Variants in CACNA1S observed in about 807,000 individuals in gnomAD.
CACNA1S encodes the protein voltage-dependent L-type calcium channel subunit alpha-1S.
CACNA1S carries 126 observed loss-of-function variants against 207.4 expected under a neutral mutation model. The ratio of observed to expected loss-of-function variants is 0.61; its 90% CI spans 0.53 to 0.70. The LOEUF (loss-of-function observed/expected upper bound fraction) is 0.70, where lower values mean the gene tolerates loss of function less well. Ranked by LOEUF, CACNA1S falls within the 30% of genes least tolerant of loss-of-function variation. The pLI is 0.00. For missense variants in CACNA1S, 2,349 were observed against 2,422.8 expected, an observed-to-expected ratio of 0.97 and a Z score of 0.64; for synonymous variants, 960 against 932.7, an observed-to-expected ratio of 1.03 and a Z score of -0.53.
At position 201,053,645 on chromosome 1, in the gene CACNA1S, G is replaced by GC; in HGVS notation, c.3667-59dup. 6.5e-7 allele frequency: 1 copy of GC among 1,532,682 alleles called. No individual in the cohort carries two copies. The highest frequency in any genetic ancestry group is 9.0e-7 in the Non-Finnish European group (1 of 1,108,078). 94.9% of individuals were successfully genotyped at this position (1,532,682 alleles called of 1,614,324 possible). A position where few individuals can be genotyped will look rare whatever the true frequency, so the allele number is the denominator to read the frequency against. On this transcript the variant is annotated intron_variant, in intron 29 of 43. Transcript: ENST00000362061. This position sits in a 1 kb window ranked among gnomAD's most constrained non-coding sequence, Gnocchi z 5.1. ...GGGCAGAACCTCAGAGGGGTAAGGG[G>GC]CAGGGCGGGGAGGGAGGTGCACTGT...
intron 19 of CACNA1S, among the ~76,000 whole-genome samples, chr1:201,068,530 A>C (rs1035533029): frequency 6.8e-6 from 1 of 146,970 alleles, no homozygotes; most frequent in East Asian, 2.2e-4. Context: ...GGCGTGAGCC[A>C]CTGCGCCCGG....
At chr1:201,106,339 C>G (rs1221600241) in intron 2 of CACNA1S, among the ~76,000 whole-genome samples, 1 of 152,160 alleles carries the variant, frequency 6.6e-6, no homozygotes, top group Non-Finnish European at 1.5e-5. Context: ...CCCACGTCAC[C>G]CCAATCCATG....
chr1:201,062,500 C>A lies in CACNA1S; in HGVS notation c.2868G>T (p.Arg956Ser). ...GVQLFKGKFFRCTDLSKMTEE... is the reference protein window; with the variant it reads ...GVQLFKGKFFSCTDLSKMTEE... ...CTGTCATCTTGGACAAGTCGGTGCA[C>A]CTGAAGAACTTCCCCTGCAGCCAGG... The change falls in exon 23 of 44, where the codon AGG becomes AGT. Residue 956 changes from arginine to serine, a missense_variant. By Grantham distance (110) the Arg-to-Ser change is moderately radical. Coordinates refer to ENST00000362061, the MANE Select transcript of CACNA1S (RefSeq NM_000069.3). 6.2e-7 allele frequency: 1 copy of A among 1,613,922 alleles called. No homozygotes were observed. The highest frequency in any genetic ancestry group is 1.3e-5 in the African/African-American group (1 of 75,012).
chr1:201,054,521 C>T lies in CACNA1S; in HGVS notation c.3650G>A (p.Gly1217Glu). 6.2e-7 allele frequency: 1 copy of T among 1,613,900 alleles called. No homozygotes were observed. The highest frequency in any genetic ancestry group is 8.5e-7 in the Non-Finnish European group (1 of 1,179,886). ...TGAAATTACAACGTTCCCGCAGCCT[C>T]CACCCAGGCAATACAGTCCCCCGCT... Reference protein sequence around the residue: ...ASSGGLYCLGGGCGNVDPDES... With the variant: ...ASSGGLYCLGEGCGNVDPDES... Residue 1217 changes from glycine (G) to glutamate (E), a missense_variant, in exon 29 of 44, where the codon GGA becomes GAA. By Grantham distance (98) the Gly-to-Glu change is moderately conservative. Transcript: ENST00000362061.
chr1:201,041,584 T>A lies in CACNA1S; in HGVS notation c.5054A>T (p.His1685Leu). ...HSNSHVFSSV[H>L]YEREFPEETE... ...CTCTTCTGGGAACTCCCTTTCATAG[T>A]GGACACTGAAATGGAAGCAAGGCTG... is the stretch of plus-strand genomic sequence containing the variant. Residue 1685 changes from histidine to leucine, a missense_variant, in exon 41 of 44, where the codon CAC (histidine) becomes CTC (leucine). Transcript: ENST00000362061. 6.2e-7 allele frequency: 1 copy of A among 1,613,224 alleles called. No individual in the cohort carries two copies. The highest frequency in any genetic ancestry group is 8.5e-7 in the Non-Finnish European group (1 of 1,179,144).
intron 13 of CACNA1S, 69 bp downstream of exon 13, chr1:201,075,426 C>A (rs1661573502): frequency 3.8e-6 from 6 of 1,599,774 alleles, no homozygotes; most frequent in Non-Finnish European, 4.3e-6. Context: ...CACCCTTGAC[C>A]CCCATTTTAA....
rs369364636 is a variant in CACNA1S, at chr1:201,076,902, C to T, written c.1827+18G>A. The T allele has an allele frequency of 1.1e-5, 18 of 1,609,748 alleles. No individual in the cohort carries two copies. In the East Asian group the frequency reaches 1.3e-4, roughly 12 times the overall value. ...CAGCAACCGTTCAGAAGGAGGGACACGCAGAGGGAGAGCCTACCTGGAAGA... is the reference window on the plus strand; with the variant it reads ...CAGCAACCGTTCAGAAGGAGGGACATGCAGAGGGAGAGCCTACCTGGAAGA... On this transcript the variant is annotated intron_variant, in intron 12 of 43. Transcript: ENST00000362061.
chr1:201,082,029 ATTT>A (rs754037624), intron 10 of CACNA1S, among the ~76,000 whole-genome samples: 2 of 126,748 alleles, frequency 1.6e-5, no homozygotes, highest in Admixed American at 8.3e-5. Flanking sequence ...TCTCAGGTGC[ATTT>A]TTTTTTTTTT....
chr1:201,066,850 TG>T lies in CACNA1S; in HGVS notation c.2657+36del. On this transcript the variant is annotated intron_variant, in intron 20 of 43. Transcript: ENST00000362061. The surrounding 1 kb of genome is among the most constrained non-coding windows in gnomAD (Gnocchi z 4.3). The stretch of plus-strand genomic sequence containing the variant: ...CAAAGCCCTGGCACAGAGCAGAGGG[TG>T]GTCTGTGCCCAGGGCTGGCCCTTGC... The T allele has an allele frequency of 6.9e-7, 1 of 1,458,258 alleles. No individual in the cohort carries two copies. The highest frequency in any genetic ancestry group is 9.6e-7 in the Non-Finnish European group (1 of 1,040,964). 90.3% of individuals were successfully genotyped at this position (1,458,258 alleles called of 1,614,324 possible). A position where few individuals can be genotyped will look rare whatever the true frequency, so the allele number is the denominator to read the frequency against.
At chr1:201,092,893 C>G (rs1358794706) in intron 3 of CACNA1S, among the ~76,000 whole-genome samples, 1 of 152,210 alleles carries the variant, frequency 6.6e-6, no homozygotes, top group Non-Finnish European at 1.5e-5. Flanking sequence ...GAGCATGCAG[C>G]CTCTGGAGCC....
chr1:201,069,346 G>C, intron 18 of CACNA1S, 126 bp downstream of exon 18: 2 of 1,474,122 alleles, frequency 1.4e-6, no homozygotes, highest in Non-Finnish European at 1.9e-6. Context: ...TCCTATCCCT[G>C]AGGAACTGAA....
intron 10 of CACNA1S, among the ~76,000 whole-genome samples, chr1:201,082,163 G>GT (rs1661863403): frequency 6.6e-6 from 1 of 151,728 alleles, no homozygotes; most frequent in African/African-American, 2.4e-5. Flanking sequence ...TGAGTAGCTG[G>GT]GACTACGGGT....
Position 201,089,240 on chromosome 1 carries a change from G to A in CACNA1S, c.900+18C>T, listed in dbSNP as rs1394344837. 1 of 1,611,344 alleles carries A rather than the reference G, an allele frequency of 6.2e-7. No homozygotes were observed. On this transcript the variant is annotated intron_variant, in intron 6 of 43. Transcript: ENST00000362061. ...TGGATGAAGGGAGATGGTTCTGCAG[G>A]CGCGGGCCCAGACCCACCCAGTAAA...
At chr1:201,095,148 A>G (rs1470723690) in intron 2 of CACNA1S, among the ~76,000 whole-genome samples, 89 of 86,554 alleles carry the variant, frequency 1.0e-3, no homozygotes, top group Non-Finnish European at 2.3e-3. Flanking sequence ...GTGTGTATAC[A>G]TATATATACA....
chr1:201,085,673 G>C (rs781554774), intron 7 of CACNA1S, 92 bp from the exon 8 acceptor site: 207 of 1,471,622 alleles, frequency 1.4e-4, no homozygotes, highest in Non-Finnish European at 1.8e-4. Context: ...AGCCCATTCT[G>C]TGACTGGAGC....
At position 201,092,031 on chromosome 1, in the gene CACNA1S, A is replaced by G. The variant is rs141521945; in HGVS notation, c.482T>C (p.Val161Ala). Reference sequence around the variant, plus strand: ...CACTCGGAAGGCTCTGAGGGCCTTGACATCCAAGCCGGCTCCTTTGCTGCT... The same window carrying G: ...CACTCGGAAGGCTCTGAGGGCCTTGGCATCCAAGCCGGCTCCTTTGCTGCT... ...PMSSKGAGLDVKALRAFRVLR... is the reference protein window; with the variant it reads ...PMSSKGAGLDAKALRAFRVLR... Residue 161 changes from valine (V) to alanine (A), a missense_variant, in exon 4 of 44, where the codon GTC becomes GCC. Val to Ala is a moderately conservative substitution (Grantham distance 64, BLOSUM62 0). Coordinates refer to ENST00000362061, the MANE Select transcript of CACNA1S (RefSeq NM_000069.3). 3.3e-5 allele frequency: 54 copies of G among 1,613,970 alleles called. No individual in the cohort carries two copies. Among genetic ancestry groups the G allele is most frequent in the Non-Finnish European group, 9.3e-6 (11 of 1,180,012 alleles).
intron 12 of CACNA1S, among the ~76,000 whole-genome samples, chr1:201,076,263 G>A (rs1016441971): frequency 3.3e-5 from 5 of 152,212 alleles, no homozygotes; most frequent in South Asian, 2.1e-4. Flanking sequence ...TTGAAAGGCC[G>A]GAGGCCTGAC....
At chr1:201,097,674 C>T (rs1336767710) in intron 2 of CACNA1S, among the ~76,000 whole-genome samples, 1 of 152,196 alleles carries the variant, frequency 6.6e-6, no homozygotes, top group African/African-American at 2.4e-5. Flanking sequence ...TCCATGGCTT[C>T]TCTGCCCCAA....
chr1:201,040,051 G>C lies in CACNA1S; in HGVS notation c.5402C>G (p.Ala1801Gly). The change falls in exon 44 of 44, where the codon GCA becomes GGA. Residue 1801 changes from alanine (A) to glycine (G), a missense_variant. Ala to Gly is a moderately conservative substitution (Grantham distance 60). Coordinates refer to ENST00000362061, the MANE Select transcript of CACNA1S (RefSeq NM_000069.3). The part of the protein sequence containing the change: ...ALVRGGLGTL[A>G]ADANFIMATG... ...TGCCATGATGAAGTTTGCATCAGCT[G>C]CCAAGGTGCCCAGGCCCCCTCGAAC... 6.2e-7 allele frequency: 1 copy of C among 1,614,210 alleles called. No homozygotes were observed. The highest frequency in any genetic ancestry group is 2.2e-5 in the East Asian group (1 of 44,882).
Sources: gnomAD v4.1 joint callset for allele counts (sites outside exome capture counted in the v4.1 genomes callset) on GRCh38, gnomAD v4.1.1 for gene constraint, Gnocchi (gnomAD v3.1) non-coding constraint, MANE v1.5 for transcripts, NCBI Gene and HGNC (gene_info 2026-07-23, HGNC 2026-07-21) for gene names.